Variants in ADAM10 observed in about 807,000 individuals in gnomAD.
ADAM10 encodes the protein ADAM metallopeptidase domain 10.
ADAM10 carries 17 observed loss-of-function variants against 90.1 expected under a neutral mutation model. That is an observed-to-expected ratio of 0.19 (90% CI 0.13 to 0.28). The LOEUF is 0.28. ADAM10 is among the 10% of genes least tolerant of loss of function. ADAM10 has a pLI of 1.00. For synonymous variants in ADAM10, 310 were observed against 298.6 expected, an observed-to-expected ratio of 1.04 and a Z score of -0.40; for missense variants, 610 against 914.3, an observed-to-expected ratio of 0.67 and a Z score of 4.29.
intron 11 of ADAM10, among the ~76,000 whole-genome samples, chr15:58,617,952 A>C (rs1303662150): frequency 6.6e-6 from 1 of 152,124 alleles, no homozygotes; most frequent in Non-Finnish European, 1.5e-5. Context: ...TAATACTGTG[A>C]AAACGGCCAT....
rs1894797843 is a variant in ADAM10 at position 58,590,248 on chromosome 15, T to C, written c.*7299A>G. On this transcript the variant is annotated 3_prime_UTR_variant, in exon 16 of 16. Coordinates refer to ENST00000260408, the MANE Select transcript of ADAM10 (RefSeq NM_001110.4). ...CTTTCTCAGTCCTATCTCTGCATGA[T>C]CAGCTCTTGGATCACCAAAAACCTC... The C allele has an allele frequency of 6.6e-6, 1 of 152,200 alleles. No individual in the cohort carries two copies. The highest frequency in any genetic ancestry group is 2.4e-5 in the African/African-American group (1 of 41,454). 9.4% of individuals were successfully genotyped at this position (152,200 alleles called of 1,614,324 possible).
chr15:58,694,044 C>A (rs1218721753), intron 2 of ADAM10, among the ~76,000 whole-genome samples: 2 of 152,214 alleles, frequency 1.3e-5, no homozygotes, highest in East Asian at 3.8e-4. Context: ...AGAATAACAT[C>A]TCCAAATATT....
At chr15:58,617,810 G>C (rs1566969009) in intron 11 of ADAM10, among the ~76,000 whole-genome samples, 1 of 150,338 alleles carries the variant, frequency 6.7e-6, no homozygotes, top group African/African-American at 2.4e-5. Flanking sequence ...GCAAAAAAAA[G>C]AGTAAGTTTA....
At chr15:58,657,785 G>C (rs1566983232) in intron 5 of ADAM10, among the ~76,000 whole-genome samples, 1 of 152,128 alleles carries the variant, frequency 6.6e-6, no homozygotes, top group African/African-American at 2.4e-5. Context: ...GGGCATTGAA[G>C]AGTTACGTAT....
intron 3 of ADAM10, 149 bp downstream of exon 3, chr15:58,682,047 C>A: frequency 1.9e-6 from 2 of 1,080,248 alleles, no homozygotes; most frequent in Non-Finnish European, 2.6e-6. Flanking sequence ...AACATTACTT[C>A]ATTTCTCAAA....
intron 2 of ADAM10, chr15:58,691,304 CT>C: frequency 8.0e-7 from 1 of 1,248,620 alleles, no homozygotes; most frequent in Non-Finnish European, 1.2e-6. Context: ...ACAGCAGGCT[CT>C]TCCCATCAAA....
chr15:58,634,419 C>T (rs1896193444), intron 8 of ADAM10, among the ~76,000 whole-genome samples: 1 of 151,750 alleles, frequency 6.6e-6, no homozygotes, highest in Non-Finnish European at 1.5e-5. Flanking sequence ...GTCTTTAGGA[C>T]ACTATCAAAT....
intron 2 of ADAM10, among the ~76,000 whole-genome samples, chr15:58,694,026 C>T (rs1367207223): frequency 4.6e-5 from 7 of 152,090 alleles, no homozygotes; most frequent in Non-Finnish European, 8.8e-5. Context: ...TATCACATAC[C>T]CTTTGCTAGA....
chr15:58,643,403 T>G (rs956694707), intron 7 of ADAM10, among the ~76,000 whole-genome samples: 6 of 152,142 alleles, frequency 3.9e-5, no homozygotes, highest in African/African-American at 1.4e-4. Flanking sequence ...TTACTGTGAG[T>G]TGTGAATTTT....
At chr15:58,613,551 G>GA (rs2141000704) in intron 11 of ADAM10, among the ~76,000 whole-genome samples, 1 of 152,168 alleles carries the variant, frequency 6.6e-6, no homozygotes, top group East Asian at 1.9e-4. Context: ...AAAATTCAAT[G>GA]AAACTAGGAA....
chr15:58,603,481 T>C (rs1161225541), intron 14 of ADAM10, among the ~76,000 whole-genome samples: 1 of 152,214 alleles, frequency 6.6e-6, no homozygotes, highest in African/African-American at 2.4e-5. Context: ...AGAGTTTTCC[T>C]ACTAGCTTTC....
rs71116587 is a variant in ADAM10 at position 58,691,676 on chromosome 15, C to CTTTTT, written c.207-9367_207-9363dup. On this transcript the variant is annotated intron_variant, in intron 2 of 15. Coordinates refer to ENST00000260408, the MANE Select transcript of ADAM10 (RefSeq NM_001110.4). The stretch of plus-strand genomic sequence containing the variant: ...AGCTAAGCTCAAGCCACTTCTTCTT[C>CTTTTT]TTTTTTTTTTTTTTTTTTTTTTTTT... 278 of 231,740 alleles carry CTTTTT rather than the reference C, an allele frequency of 1.2e-3. 3 individuals carry two copies. Among genetic ancestry groups the CTTTTT allele is most frequent in the African/African-American group, 3.3e-3 (75 of 22,482 alleles). 14.4% of individuals were successfully genotyped at this position (231,740 alleles called of 1,614,324 possible).
Position 58,597,284 on chromosome 15 carries a change from A to G in ADAM10, c.*263T>C. On this transcript the variant is annotated 3_prime_UTR_variant, in exon 16 of 16. Transcript: ENST00000260408. The stretch of plus-strand genomic sequence containing the variant: ...CAGGGAACACGGGGCACATAATAAT[A>G]TTCTAAGACTTTGTGCCATTAAGTT... 1 of 1,200,658 alleles carries G rather than the reference A, an allele frequency of 8.3e-7. No homozygotes were observed. The highest frequency in any genetic ancestry group is 1.6e-5 in the South Asian group (1 of 62,946). The allele number at this position is 1,200,658 out of a possible 1,614,324, so 74.4% of individuals were successfully genotyped here. A position where few individuals can be genotyped will look rare whatever the true frequency, so the allele number is the denominator to read the frequency against.
At chr15:58,625,355 C>G (rs544508151) in intron 10 of ADAM10, among the ~76,000 whole-genome samples, 4 of 152,182 alleles carry the variant, frequency 2.6e-5, no homozygotes, top group African/African-American at 9.6e-5. Flanking sequence ...AAAACATGGA[C>G]AGACATTTCA....
chr15:58,625,886 T>C (rs960714787), intron 10 of ADAM10, among the ~76,000 whole-genome samples: 17 of 152,164 alleles, frequency 1.1e-4, no homozygotes, highest in Admixed American at 4.6e-4. Context: ...TTATGTTGAG[T>C]GAGAAAAGGC....
In ADAM10 at chr15:58,628,602, G is replaced by A. The variant is rs528080674; in HGVS notation, c.1177-719C>T. Among the ~76,000 whole-genome samples the A allele has an allele frequency of 3.9e-5, 6 of 152,210 alleles. No individual in the cohort carries two copies. The South Asian group carries it at 1.2e-3, about 32-fold the overall frequency. ...GCTCCCTGAATTTTCTCAAAGTAAT[G>A]CTTATGAGACCAAGCAACAGAACAC... is the stretch of plus-strand genomic sequence containing the variant. On this transcript the variant is annotated intron_variant, in intron 9 of 15. Coordinates refer to ENST00000260408, the MANE Select transcript of ADAM10 (RefSeq NM_001110.4).
intron 14 of ADAM10, among the ~76,000 whole-genome samples, chr15:58,606,455 A>T (rs1895276630): frequency 6.6e-6 from 1 of 152,202 alleles, no homozygotes; most frequent in African/African-American, 2.4e-5. Context: ...TTTCCATATA[A>T]ATTATTACAT....
At chr15:58,614,156 G>A (rs754910309) in intron 11 of ADAM10, among the ~76,000 whole-genome samples, 7 of 152,030 alleles carry the variant, frequency 4.6e-5, no homozygotes, top group African/African-American at 4.8e-5. Context: ...ATGGTGGCAC[G>A]CACCTGTAAT....
chr15:58,626,665 T>C (rs1895956284), intron 10 of ADAM10, among the ~76,000 whole-genome samples: 1 of 152,134 alleles, frequency 6.6e-6, no homozygotes, highest in African/African-American at 2.4e-5. Context: ...ACAACACAGA[T>C]AAACCTTGAA....
Sources: allele counts gnomAD v4.1 joint callset (sites outside exome capture counted in the v4.1 genomes callset), GRCh38; gene constraint gnomAD v4.1.1; transcripts MANE v1.5; gene names NCBI Gene and HGNC (gene_info 2026-07-23, HGNC 2026-07-21).